Variants in PYROXD2 observed in about 807,000 individuals in gnomAD.
PYROXD2 encodes pyridine nucleotide-disulfide oxidoreductase domain-containing protein 2.
Under a neutral mutation model 71.1 loss-of-function variants are expected in PYROXD2, and 69 were observed. The observed-to-expected ratio is 0.97, with a 90% CI of 0.80 to 1.19. The LOEUF (loss-of-function observed/expected upper bound fraction) is 1.19. PYROXD2 is among the 50% of genes most tolerant of loss of function. The pLI, the probability that PYROXD2 is intolerant of heterozygous loss-of-function variation, is 0.00. For synonymous variants in PYROXD2, 287 were observed against 302.7 expected (o/e 0.95, Z 0.54); for missense variants, 745 against 748.9 (o/e 0.99, Z 0.06).
intron 4 of PYROXD2, among the ~76,000 whole-genome samples, chr10:98,404,266 G>A (rs926897838): frequency 2.6e-5 from 4 of 152,186 alleles, no homozygotes; most frequent in Admixed American, 1.3e-4. Flanking sequence ...CAATCCAGCT[G>A]TTTCTGTACC....
chr10:98,395,131 G>T, intron 8 of PYROXD2, 65 bp downstream of exon 8: 2 of 1,401,652 alleles, frequency 1.4e-6, no homozygotes, highest in Non-Finnish European at 2.0e-6. Context: ...CACTGCCACT[G>T]TTGTCCTCAC....
At position 98,401,569 on chromosome 10, in the gene PYROXD2, GAC is replaced by G. The variant is rs552977555; in HGVS notation, c.316-1314_316-1313del. On this transcript the variant is annotated intron_variant, in intron 4 of 15. Transcript: ENST00000370575. The stretch of plus-strand genomic sequence containing the variant: ...AAAACCTTTTTGATTCTCTTAAAAA[GAC>G]ACTTGGCTTAAAACACAAACATTGT... Among the ~76,000 whole-genome samples, 535 of 152,136 alleles carry G rather than the reference GAC, an allele frequency of 3.5e-3. 1 individual carries two copies. The highest frequency in any genetic ancestry group is 6.3e-3 in the Non-Finnish European group (428 of 67,986).
At chr10:98,388,133 G>A (rs1270846026) in intron 13 of PYROXD2, 5 of 568,962 alleles carry the variant, frequency 8.8e-6, no homozygotes, top group Admixed American at 3.1e-5. Flanking sequence ...TTGCTAGACT[G>A]TGAGCAACTG....
In PYROXD2 at chr10:98,391,100, C is replaced by A; in HGVS notation, c.1063-18G>T. ...AGCCACTCCTGGAAGGAGAAGGCTCCATGAAAGGCCTCAGATGTCCAAGGC... is the reference window on the plus strand; with the variant it reads ...AGCCACTCCTGGAAGGAGAAGGCTCAATGAAAGGCCTCAGATGTCCAAGGC... On this transcript the variant is annotated intron_variant, in intron 10 of 15. Transcript: ENST00000370575. 1 of 1,544,914 alleles carries A rather than the reference C, an allele frequency of 6.5e-7. No homozygotes were observed. Among genetic ancestry groups the A allele is most frequent in the Non-Finnish European group, 9.0e-7 (1 of 1,117,148 alleles).
rs748020237 is a variant in PYROXD2, at chr10:98,415,083, G to A, written c.53C>T (p.Pro18Leu). ...TTCCGTGTTATCTCGTCTCCACGCC[G>A]GGAAGGGAGAGGCGGCCACAGCCTT... Reference protein sequence around the residue: ...LCKAVAASPFPAWRRDNTEAR... With the variant: ...LCKAVAASPFLAWRRDNTEAR... Residue 18 changes from proline to leucine, a missense_variant, in exon 1 of 16, where the codon CCG (proline) becomes CTG (leucine). Coordinates refer to ENST00000370575, the MANE Select transcript of PYROXD2 (RefSeq NM_032709.3). 13 of 1,613,906 alleles carry A rather than the reference G, an allele frequency of 8.1e-6. No homozygotes were observed. Among genetic ancestry groups the A allele is most frequent in the African/African-American group, 5.3e-5 (4 of 74,942 alleles).
chr10:98,384,893 C>T, intron 15 of PYROXD2, 54 bp downstream of exon 15: 1 of 1,531,704 alleles, frequency 6.5e-7, no homozygotes, highest in Non-Finnish European at 8.7e-7. Flanking sequence ...AAGTCTCTGG[C>T]CTCCAGTGAG....
intron 13 of PYROXD2, 108 bp downstream of exon 13, chr10:98,388,246 A>ACGGCACC (rs1424899770): frequency 8.1e-6 from 9 of 1,112,774 alleles, no homozygotes; most frequent in Non-Finnish European, 1.2e-5. Context: ...TCCCTTTGGA[A>ACGGCACC]TGGCACCTGC....
At position 98,383,785 on chromosome 10, in the gene PYROXD2, A is replaced by G. The variant is rs757464165; in HGVS notation, c.*13T>C. Reference sequence around the variant, plus strand: ...GGGTGGAGTCTTCTTCCTGGGTCAGAGCTGGTTCAGGGTCACATGCTCTTG... The same window carrying G: ...GGGTGGAGTCTTCTTCCTGGGTCAGGGCTGGTTCAGGGTCACATGCTCTTG... On this transcript the variant is annotated 3_prime_UTR_variant, in exon 16 of 16. Coordinates refer to ENST00000370575, the MANE Select transcript of PYROXD2 (RefSeq NM_032709.3). The G allele has an allele frequency of 2.3e-5, 37 of 1,612,872 alleles. No individual in the cohort carries two copies. The highest frequency in any genetic ancestry group is 3.1e-5 in the Non-Finnish European group (36 of 1,179,014).
At chr10:98,409,719 G>A (rs1564811939) in intron 2 of PYROXD2, among the ~76,000 whole-genome samples, 1 of 152,200 alleles carries the variant, frequency 6.6e-6, no homozygotes, top group Non-Finnish European at 1.5e-5. Flanking sequence ...GTGACTCGGA[G>A]AGGCTAAGTG....
At position 98,414,785 on chromosome 10, in the gene PYROXD2, T is replaced by A. The variant is rs1045421685; in HGVS notation, c.127+224A>T. 34 of 555,932 alleles carry A rather than the reference T, an allele frequency of 6.1e-5. No homozygotes were observed. The African/African-American group carries it at 6.3e-4, about 10-fold the overall frequency. 34.4% of individuals were successfully genotyped at this position (555,932 alleles called of 1,614,324 possible). A position where few individuals can be genotyped will look rare whatever the true frequency, so the allele number is the denominator to read the frequency against. On this transcript the variant is annotated intron_variant, in intron 1 of 15. Coordinates refer to ENST00000370575, the MANE Select transcript of PYROXD2 (RefSeq NM_032709.3). ...GATCCAAGCCCAGAGAAGGCAAGCA[T>A]TTGCCCCAGGCCACACAGCAGAGCC... is the stretch of plus-strand genomic sequence containing the variant.
intron 1 of PYROXD2, 134 bp downstream of exon 1, chr10:98,414,875 G>T (rs555757841): frequency 1.5e-6 from 2 of 1,333,202 alleles, no homozygotes; most frequent in Non-Finnish European, 1.0e-6. Flanking sequence ...CCCTGCTAGC[G>T]TATAAACTTC....
chr10:98,404,921 C>G (rs887030781), intron 4 of PYROXD2, among the ~76,000 whole-genome samples: 2 of 152,148 alleles, frequency 1.3e-5, no homozygotes, highest in African/African-American at 4.8e-5. Flanking sequence ...AATTAGAGCC[C>G]TACCTTAGAG....
intron 5 of PYROXD2, among the ~76,000 whole-genome samples, chr10:98,399,736 A>C (rs1364647442): frequency 6.6e-6 from 1 of 152,182 alleles, no homozygotes; most frequent in Admixed American, 6.5e-5. Context: ...CATGTGCTTT[A>C]ATGTGGACAA....
rs1842750704 is a variant in PYROXD2 at position 98,386,325 on chromosome 10, G to A, written c.1554+876C>T. Reference sequence around the variant, plus strand: ...AGGGAGGGAGGAAACAAGGAAGGGAGGGAGGAAGGAAGGAAGGAAGGAAGG... The same window carrying A: ...AGGGAGGGAGGAAACAAGGAAGGGAAGGAGGAAGGAAGGAAGGAAGGAAGG... On this transcript the variant is annotated intron_variant, in intron 14 of 15. Transcript: ENST00000370575. 2.3e-5 allele frequency among the ~76,000 whole-genome samples: 3 copies of A among 132,108 alleles called. No homozygotes were observed. The South Asian group carries it at 6.5e-4, about 29-fold the overall frequency. The allele number at this position is 132,108 out of a possible 152,430, so 86.7% of individuals were successfully genotyped here.
chr10:98,388,333 A>G (rs1355780427), intron 13 of PYROXD2, 21 bp downstream of exon 13: 2 of 1,613,450 alleles, frequency 1.2e-6, no homozygotes, highest in African/African-American at 1.3e-5. Flanking sequence ...CTCTGGAGGC[A>G]GAACGTGCAG....
In PYROXD2 at chr10:98,383,807, C is replaced by G. The variant is rs1842662774; in HGVS notation, c.1737G>C (p.Lys579Asn). ...NAAHVAFRDL[K>N]SM ...CAGAGCTGGTTCAGGGTCACATGCT[C>G]TTGAGGTCCCTAAAGGCCACATGTG... The change falls in exon 16 of 16, where the codon AAG becomes AAC. Residue 579 changes from lysine (K) to asparagine (N), a missense_variant. Physicochemically the swap from Lys to Asn is moderately conservative, Grantham distance 94. Coordinates refer to ENST00000370575, the MANE Select transcript of PYROXD2 (RefSeq NM_032709.3). The G allele has an allele frequency of 1.2e-6, 2 of 1,613,984 alleles. No individual in the cohort carries two copies. Among genetic ancestry groups the G allele is most frequent in the Non-Finnish European group, 1.7e-6 (2 of 1,179,958 alleles).
chr10:98,390,755 C>A lies in PYROXD2; in HGVS notation c.1136-1G>T. ...AAGCTGGGCAGCCTGTCTACGGCCA[C>A]TGAGGGACCAAAGAGGAGGGTCAGG... On this transcript the variant is annotated splice_acceptor_variant, in intron 11 of 15. Coordinates refer to ENST00000370575, the MANE Select transcript of PYROXD2 (RefSeq NM_032709.3). LOFTEE classifies it high-confidence loss of function. The A allele has an allele frequency of 1.3e-6, 2 of 1,584,392 alleles. No individual in the cohort carries two copies. Among genetic ancestry groups the A allele is most frequent in the Non-Finnish European group, 1.7e-6 (2 of 1,164,812 alleles).
chr10:98,397,338 G>T lies in PYROXD2; in HGVS notation c.625+7C>A, dbSNP rs1452754740. 6.3e-7 allele frequency: 1 copy of T among 1,587,822 alleles called. No individual in the cohort carries two copies. The highest frequency in any genetic ancestry group is 1.7e-5 in the Admixed American group (1 of 58,162). The stretch of plus-strand genomic sequence containing the variant: ...CATCATGCCCTGGTGCCTGCACTTG[G>T]ACTTACCTGCCTTCAGCAGGGGCTT... On this transcript the variant is annotated splice_region_variant and intron_variant, in intron 6 of 15. Coordinates refer to ENST00000370575, the MANE Select transcript of PYROXD2 (RefSeq NM_032709.3).
intron 8 of PYROXD2, among the ~76,000 whole-genome samples, chr10:98,394,839 G>T (rs1248109999): frequency 6.6e-6 from 1 of 152,012 alleles, no homozygotes; most frequent in Non-Finnish European, 1.5e-5. Flanking sequence ...GAGAAAAGAA[G>T]ATATTAATTT....
Sources: gnomAD v4.1 joint callset for allele counts (sites outside exome capture counted in the v4.1 genomes callset) on GRCh38, gnomAD v4.1.1 for gene constraint, MANE v1.5 for transcripts, NCBI Gene and HGNC (gene_info 2026-07-23, HGNC 2026-07-21) for gene names.